HNRNPM: variants seen among roughly 807,000 people sequenced by gnomAD.
HNRNPM encodes the protein CEA receptor.
In HNRNPM, 11 loss-of-function variants were observed where a neutral mutation model predicts 73.1. The ratio of observed to expected loss-of-function variants is 0.15; its 90% CI spans 0.09 to 0.25. HNRNPM has a LOEUF of 0.25. Among genes scored for constraint, HNRNPM ranks in the 10% least tolerant of loss-of-function variants. The pLI is 1.00. For synonymous variants in HNRNPM, 407 were observed against 355.2 expected, an observed-to-expected ratio of 1.15 and a Z score of -1.64; for missense variants, 789 against 1,067.9, an observed-to-expected ratio of 0.74 and a Z score of 3.64.
At position 8,445,007 on chromosome 19, in the gene HNRNPM, A is replaced by G. The variant is rs776573452; in HGVS notation, c.9A>G (p.Ala3=). 2.1e-6 allele frequency: 3 copies of G among 1,421,836 alleles called. No homozygotes were observed. Among genetic ancestry groups the G allele is most frequent in the South Asian group, 1.6e-5 (1 of 62,984 alleles). 88.1% of individuals were successfully genotyped at this position (1,421,836 alleles called of 1,614,324 possible). A position where few individuals can be genotyped will look rare whatever the true frequency, so the allele number is the denominator to read the frequency against. Residue 3 remains alanine, a synonymous_variant, in exon 1 of 16, where the codon GCA becomes GCG. Coordinates refer to ENST00000325495, the MANE Select transcript of HNRNPM (RefSeq NM_005968.5). MA[A]GVEAAAEVAA... Reference sequence around the variant, plus strand: ...GCCCAGACGCGGAGAAAATGGCGGCAGGGGTCGAAGCGGCGGCGGAGGTGG... The same window carrying G: ...GCCCAGACGCGGAGAAAATGGCGGCGGGGGTCGAAGCGGCGGCGGAGGTGG...
chr19:8,467,764 C>T (rs764069517), intron 8 of HNRNPM, among the ~76,000 whole-genome samples, 180 bp downstream of exon 8: 11 of 152,182 alleles, frequency 7.2e-5, no homozygotes, highest in Non-Finnish European at 1.5e-4. Flanking sequence ...TGGTGGTTCA[C>T]GCCTGTAATC....
chr19:8,473,667 T>C lies in HNRNPM; in HGVS notation c.1001T>C (p.Met334Thr), dbSNP rs763307483. 1.3e-6 allele frequency: 2 copies of C among 1,568,246 alleles called. No homozygotes were observed. The highest frequency in any genetic ancestry group is 1.7e-4 in the Middle Eastern group (1 of 5,986). ...GCATTGACTTTTTCTTTTTAAGGAATGGGAATGGAAGGCATAGGATTTGGA... is the reference window on the plus strand; with the variant it reads ...GCATTGACTTTTTCTTTTTAAGGAACGGGAATGGAAGGCATAGGATTTGGA... ...IGMGNIGPAG[M>T]GMEGIGFGIN... is the part of the protein sequence containing the mutation. Residue 334 changes from methionine (M) to threonine (T), a missense_variant, in exon 11 of 16, where the codon ATG becomes ACG. Physicochemically the swap from Met to Thr is moderately conservative, Grantham distance 81. Transcript: ENST00000325495.
chr19:8,454,168 G>A (rs1401726688), intron 1 of HNRNPM, among the ~76,000 whole-genome samples: 1 of 152,184 alleles, frequency 6.6e-6, no homozygotes, highest in Non-Finnish European at 1.5e-5. Context: ...GCAGCAATCT[G>A]CACATTCCTG....
In HNRNPM at chr19:8,462,269, C is replaced by G. The variant is rs1599777300; in HGVS notation, c.284-260C>G. On this transcript the variant is annotated intron_variant, in intron 2 of 15. Coordinates refer to ENST00000325495, the MANE Select transcript of HNRNPM (RefSeq NM_005968.5). The surrounding 1 kb of genome is among the most constrained non-coding windows in gnomAD (Gnocchi z 4.5). The stretch of plus-strand genomic sequence containing the variant: ...TCTAGTCATGAATGAGTCTTCCAGA[C>G]AGGGAAATTGATACGGAAATCTGTG... The G allele has an allele frequency of 4.5e-6, 2 of 444,866 alleles. No individual in the cohort carries two copies. The highest frequency in any genetic ancestry group is 3.5e-5 in the Admixed American group (1 of 28,268). The allele number at this position is 444,866 out of a possible 1,614,324, so 27.6% of individuals were successfully genotyped here.
At chr19:8,460,135 G>A (rs1305573702) in intron 2 of HNRNPM, among the ~76,000 whole-genome samples, 7 of 152,116 alleles carry the variant, frequency 4.6e-5, no homozygotes, top group Admixed American at 2.6e-4. Context: ...TGGTTTGCTC[G>A]TTAAACTTCA....
Position 8,485,829 on chromosome 19 carries a change from C to T in HNRNPM, c.1401C>T (p.Ser467=), listed in dbSNP as rs566658631. 3 of 1,603,624 alleles carry T rather than the reference C, an allele frequency of 1.9e-6. No individual in the cohort carries two copies. Among genetic ancestry groups the T allele is most frequent in the East Asian group, 2.2e-5 (1 of 44,808 alleles). ...CGCTGGGCCTCGACCACATGGCCTC[C>T]AGCATTGAGCGCATGGGCCAGACCA... The part of the protein sequence containing the change: ...MGPLGLDHMA[S]SIERMGQTME... Residue 467 remains serine, a synonymous_variant, in exon 14 of 16, where the codon TCC becomes TCT. Transcript: ENST00000325495.
At chr19:8,459,675 A>G (rs1969270503) in intron 2 of HNRNPM, among the ~76,000 whole-genome samples, 1 of 152,212 alleles carries the variant, frequency 6.6e-6, no homozygotes, top group Non-Finnish European at 1.5e-5. Flanking sequence ...CTTGAGCAGT[A>G]AATGGGAACA....
intron 12 of HNRNPM, among the ~76,000 whole-genome samples, chr19:8,480,762 T>A (rs1182766448): frequency 6.6e-6 from 1 of 152,114 alleles, no homozygotes; most frequent in African/African-American, 2.4e-5. Context: ...CTCGCCTAAT[T>A]CCGCTTTTTG....
chr19:8,475,187 A>G (rs527607675), intron 12 of HNRNPM, among the ~76,000 whole-genome samples: 4 of 152,368 alleles, frequency 2.6e-5, no homozygotes, highest in African/African-American at 9.6e-5. Flanking sequence ...TGGTGCCTGC[A>G]TGTGAACCCA....
In HNRNPM at chr19:8,485,599, TCAGGTG is replaced by T. The variant is rs1416892676; in HGVS notation, c.1175-3_1177del. On this transcript the variant is annotated splice_acceptor_variant and splice_polypyrimidine_tract_variant and coding_sequence_variant and intron_variant, in exon 14 of 16. Transcript: ENST00000325495. LOFTEE classifies it high-confidence loss of function. The stretch of plus-strand genomic sequence containing the variant: ...CCCACCTGTGTTTTGTGTCCCTGTT[TCAGGTG>T]GAGGTGGAGGAAGCGTCCCTGGGAT... 6.9e-6 allele frequency: 11 copies of T among 1,595,800 alleles called. No homozygotes were observed. The highest frequency in any genetic ancestry group is 9.4e-6 in the Non-Finnish European group (11 of 1,173,060).
At chr19:8,451,527 CTCCCCT>C (rs147598953) in intron 1 of HNRNPM, among the ~76,000 whole-genome samples, 44,750 of 151,228 alleles carry the variant, frequency 0.3, 7,032 homozygotes, top group South Asian at 0.43. Flanking sequence ...GAATATGTCC[CTCCCCT>C]TCCCCTTCCC....
Position 8,485,844 on chromosome 19 carries a change from G to A in HNRNPM, c.1416G>A (p.Met472Ile). The A allele has an allele frequency of 6.2e-7, 1 of 1,603,670 alleles. No homozygotes were observed. The highest frequency in any genetic ancestry group is 8.5e-7 in the Non-Finnish European group (1 of 1,179,632). Reference sequence around the variant, plus strand: ...ACATGGCCTCCAGCATTGAGCGCATGGGCCAGACCATGGAGCGCATTGGCT... The same window carrying A: ...ACATGGCCTCCAGCATTGAGCGCATAGGCCAGACCATGGAGCGCATTGGCT... ...LDHMASSIER[M>I]GQTMERIGSG... Residue 472 changes from methionine (M) to isoleucine (I), a missense_variant, in exon 14 of 16, where the codon ATG becomes ATA. Coordinates refer to ENST00000325495, the MANE Select transcript of HNRNPM (RefSeq NM_005968.5).
At chr19:8,473,823 GTCTAGAAATGACTT>G in intron 11 of HNRNPM, 115 bp downstream of exon 11, 1 of 735,384 alleles carries the variant, frequency 1.4e-6, no homozygotes, top group East Asian at 2.7e-5. Context: ...TTCAGTTTGA[GTCTAGAAATGACTT>G]CCTCCTGCCT....
At chr19:8,466,145 C>A in intron 6 of HNRNPM, 90 bp from the exon 7 acceptor site, 1 of 1,287,730 alleles carries the variant, frequency 7.8e-7, no homozygotes, top group Non-Finnish European at 1.1e-6. Context: ...TACTTTTTTC[C>A]AACCAAAGCA....
At chr19:8,446,327 G>T (rs1968183393) in intron 1 of HNRNPM, among the ~76,000 whole-genome samples, 1 of 152,128 alleles carries the variant, frequency 6.6e-6, no homozygotes. Flanking sequence ...TTTCCTTTCT[G>T]TCTGTGACTT....
intron 13 of HNRNPM, among the ~76,000 whole-genome samples, chr19:8,483,860 G>T (rs1252579479): frequency 6.6e-6 from 1 of 152,202 alleles, no homozygotes; most frequent in African/African-American, 2.4e-5. Context: ...CAACTTCCCA[G>T]GCCTAAGCGA....
At chr19:8,447,682 C>T (rs2145599887) in intron 1 of HNRNPM, among the ~76,000 whole-genome samples, 1 of 152,084 alleles carries the variant, frequency 6.6e-6, no homozygotes, top group African/African-American at 2.4e-5. Flanking sequence ...CTCAGGAGTT[C>T]AAGACCAGCC....
chr19:8,478,410 G>GA (rs1355819888), intron 12 of HNRNPM, among the ~76,000 whole-genome samples: 1 of 152,108 alleles, frequency 6.6e-6, no homozygotes, highest in African/African-American at 2.4e-5. Context: ...GCGTGGCATG[G>GA]GTGGAGGACT....
At chr19:8,485,547 TGCACAC>T in intron 13 of HNRNPM, 50 bp from the exon 14 acceptor site, 1 of 1,523,856 alleles carries the variant, frequency 6.6e-7, no homozygotes, top group Non-Finnish European at 8.9e-7. Context: ...TGGCGTGTTG[TGCACAC>T]GCACACTCAA....
Sources: gnomAD v4.1 joint callset for allele counts (sites outside exome capture counted in the v4.1 genomes callset) on GRCh38, gnomAD v4.1.1 for gene constraint, Gnocchi (gnomAD v3.1) non-coding constraint, MANE v1.5 for transcripts, NCBI Gene and HGNC (gene_info 2026-07-23, HGNC 2026-07-21) for gene names.